Variants in PRKG2 observed in about 807,000 individuals in gnomAD.
PRKG2 encodes the protein cGMP-dependent protein kinase 2.
A neutral mutation model predicts 97.2 loss-of-function variants in PRKG2; 33 were observed. That is an observed-to-expected ratio of 0.34 (90% CI 0.26 to 0.45). The LOEUF (loss-of-function observed/expected upper bound fraction) is 0.45, where lower values mean the gene tolerates loss of function less well. Among genes scored for constraint, PRKG2 ranks in the 20% least tolerant of loss-of-function variants. The pLI is 1.00. For missense variants in PRKG2, 638 were observed against 900.0 expected, an observed-to-expected ratio of 0.71 and a Z score of 3.73; for synonymous variants, 330 against 321.8, an observed-to-expected ratio of 1.03 and a Z score of -0.27.
At chr4:81,153,960 A>C in intron 6 of PRKG2, 1 of 342,906 alleles carries the variant, frequency 2.9e-6, no homozygotes, top group East Asian at 5.7e-5. Context: ...CTCAGCAAGC[A>C]CAAGGGGTCA....
At chr4:81,112,090 A>G (rs1744048920) in intron 14 of PRKG2, among the ~76,000 whole-genome samples, 1 of 152,174 alleles carries the variant, frequency 6.6e-6, no homozygotes, top group Non-Finnish European at 1.5e-5. Context: ...TAAAATCTTA[A>G]TTTACCTTAA....
At chr4:81,175,436 T>C (rs1466585235) in intron 2 of PRKG2, 1 of 152,348 alleles carries the variant, frequency 6.6e-6, no homozygotes. Flanking sequence ...TTACTATTCC[T>C]ATTTTAGGAA....
chr4:81,114,322 GAA>G (rs200260020), intron 14 of PRKG2, among the ~76,000 whole-genome samples: 1 of 140,890 alleles, frequency 7.1e-6, no homozygotes. Flanking sequence ...TGTGTTTGGT[GAA>G]AAAAAAAAAA....
At position 81,153,426 on chromosome 4, in the gene PRKG2, C is replaced by A. The variant is rs148799536; in HGVS notation, c.990+218G>T. 3,265 of 440,018 alleles carry A rather than the reference C, an allele frequency of 7.4e-3. 23 individuals are homozygous for A. The highest frequency in any genetic ancestry group is 0.011 in the Non-Finnish European group (2,731 of 245,970). The allele number at this position is 440,018 out of a possible 1,614,324, so 27.3% of individuals were successfully genotyped here. A position where few individuals can be genotyped will look rare whatever the true frequency, so the allele number is the denominator to read the frequency against. ...GTCTCTCCCCAAAAAATCAAGTGAC[C>A]TACATAACATCACTAAGAAGTTATT... On this transcript the variant is annotated intron_variant, in intron 7 of 18. Coordinates refer to ENST00000264399, the MANE Select transcript of PRKG2 (RefSeq NM_006259.3).
intron 2 of PRKG2, among the ~76,000 whole-genome samples, chr4:81,176,475 T>C (rs1750940723): frequency 6.6e-6 from 1 of 152,184 alleles, no homozygotes; most frequent in Admixed American, 6.5e-5. Context: ...TAATATATAT[T>C]GAGAACATAT....
intron 4 of PRKG2, 64 bp from the exon 5 acceptor site, chr4:81,169,832 T>A (rs1325497223): frequency 1.6e-5 from 17 of 1,034,080 alleles, no homozygotes; most frequent in Non-Finnish European, 1.3e-5. Flanking sequence ...TTCCAAAATA[T>A]AAATCGATGG....
chr4:81,191,402 G>A (rs1752504890), intron 2 of PRKG2, among the ~76,000 whole-genome samples: 1 of 152,030 alleles, frequency 6.6e-6, no homozygotes, highest in Non-Finnish European at 1.5e-5. Flanking sequence ...ATGGACTCAG[G>A]GAGGGGAACA....
chr4:81,130,416 A>T (rs1006915668), intron 14 of PRKG2, among the ~76,000 whole-genome samples: 2 of 152,126 alleles, frequency 1.3e-5, no homozygotes, highest in Non-Finnish European at 2.9e-5. Flanking sequence ...CCTGTATGAG[A>T]TATCTGTTGA....
chr4:81,169,769 C>G lies in PRKG2; in HGVS notation c.743-1G>C. The G allele has an allele frequency of 2.5e-6, 4 of 1,580,966 alleles. No homozygotes were observed. Among genetic ancestry groups the G allele is most frequent in the Non-Finnish European group, 3.4e-6 (4 of 1,160,572 alleles). On this transcript the variant is annotated splice_acceptor_variant, in intron 4 of 18. Coordinates refer to ENST00000264399, the MANE Select transcript of PRKG2 (RefSeq NM_006259.3). LOFTEE classifies it high-confidence loss of function. Reference sequence around the variant, plus strand: ...GCCCATGTTTTAACATTGGTAATAGCTTTAGAAAATTCAAGAAAACAATAA... The same window carrying G: ...GCCCATGTTTTAACATTGGTAATAGGTTTAGAAAATTCAAGAAAACAATAA...
chr4:81,135,963 C>T (rs907526406), intron 13 of PRKG2, among the ~76,000 whole-genome samples: 6 of 151,888 alleles, frequency 4.0e-5, no homozygotes, highest in Non-Finnish European at 7.4e-5. Context: ...TTTAACTGTT[C>T]TGAGGCTCAG....
chr4:81,113,913 T>C (rs7675843), intron 14 of PRKG2, among the ~76,000 whole-genome samples: 35,843 of 152,084 alleles, frequency 0.24, 5,625 homozygotes, highest in East Asian at 0.46. Context: ...TGGATGGTTT[T>C]GATTGAGTGG....
chr4:81,111,824 T>C (rs1171943357), intron 14 of PRKG2, among the ~76,000 whole-genome samples: 2 of 152,180 alleles, frequency 1.3e-5, no homozygotes, highest in African/African-American at 4.8e-5. Context: ...ATTTAGCAAA[T>C]ACTTTTCATC....
chr4:81,149,902 C>G (rs535052947), intron 8 of PRKG2, among the ~76,000 whole-genome samples: 1 of 152,250 alleles, frequency 6.6e-6, no homozygotes, highest in African/African-American at 2.4e-5. Flanking sequence ...ACACTGGCAG[C>G]CCATCTCTAC....
At chr4:81,197,089 C>T in intron 2 of PRKG2, among the ~76,000 whole-genome samples, 1 of 152,234 alleles carries the variant, frequency 6.6e-6, no homozygotes, top group East Asian at 1.9e-4. Context: ...AAGGGAGGTT[C>T]TGTGGAAACT....
chr4:81,143,761 T>A (rs893603159), intron 10 of PRKG2, among the ~76,000 whole-genome samples: 9 of 152,178 alleles, frequency 5.9e-5, no homozygotes, highest in Non-Finnish European at 1.0e-4. Context: ...AATTTTCATT[T>A]AACAAAAGTA....
intron 2 of PRKG2, among the ~76,000 whole-genome samples, chr4:81,202,850 TAA>T (rs1272523516): frequency 6.6e-6 from 1 of 152,062 alleles, no homozygotes; most frequent in Non-Finnish European, 1.5e-5. Context: ...AAGATGAGCA[TAA>T]GTCTTTGAAC....
intron 14 of PRKG2, among the ~76,000 whole-genome samples, chr4:81,124,139 TTGTC>T (rs1293180635): frequency 6.6e-6 from 1 of 152,202 alleles, no homozygotes; most frequent in African/African-American, 2.4e-5. Context: ...CCCTTTATCT[TTGTC>T]TGAAAATGTC....
At chr4:81,153,562 T>G in intron 7 of PRKG2, 82 bp downstream of exon 7, 3 of 1,079,490 alleles carry the variant, frequency 2.8e-6, no homozygotes, top group Non-Finnish European at 4.1e-6. Context: ...GGACCTATGT[T>G]GCAATGCAAA....
chr4:81,205,505 G>A (rs1435985201), intron 1 of PRKG2, among the ~76,000 whole-genome samples: 1 of 152,208 alleles, frequency 6.6e-6, no homozygotes, highest in Non-Finnish European at 1.5e-5. Context: ...GCAACAGTAA[G>A]AAACCTTCCC....
Sources: gnomAD v4.1 joint callset for allele counts (sites outside exome capture counted in the v4.1 genomes callset) on GRCh38, gnomAD v4.1.1 for gene constraint, MANE v1.5 for transcripts, NCBI Gene and HGNC (gene_info 2026-07-23, HGNC 2026-07-21) for gene names.